The following C16orf87 variants were observed in gnomAD, a reference collection of about 807,000 sequenced individuals.
The protein encoded by C16orf87 is UPF0547 protein C16orf87.
A neutral mutation model predicts 21.0 loss-of-function variants in C16orf87; 13 were observed. That is an observed-to-expected ratio of 0.62 (90% CI 0.40 to 0.98). The LOEUF is 0.98. Ranked by LOEUF, C16orf87 falls within the 50% of genes least tolerant of loss-of-function variation. C16orf87 has a pLI of 0.00. For missense variants in C16orf87, 113 were observed against 180.4 expected (o/e 0.63, Z 2.14); for synonymous variants, 49 against 60.2 (o/e 0.81, Z 0.86).
At chr16:46,807,291 A>T (rs1232096942) in intron 3 of C16orf87, among the ~76,000 whole-genome samples, 1 of 152,014 alleles carries the variant, frequency 6.6e-6, no homozygotes, top group African/African-American at 2.4e-5. Context: ...AAGTAAAAAA[A>T]GTAGCCTGGT....
At chr16:46,812,469 A>G (rs1236408561) in intron 2 of C16orf87, among the ~76,000 whole-genome samples, 2 of 152,194 alleles carry the variant, frequency 1.3e-5, no homozygotes, top group Non-Finnish European at 2.9e-5. Flanking sequence ...TGAAATATTT[A>G]TAACTGAAAT....
intron 2 of C16orf87, among the ~76,000 whole-genome samples, chr16:46,820,873 C>T (rs1226420498): frequency 2.0e-5 from 3 of 152,194 alleles, no homozygotes; most frequent in Admixed American, 6.5e-5. Flanking sequence ...AAATTCTTTA[C>T]ATTTATGTGA....
At chr16:46,826,326 A>G (rs555197004) in intron 1 of C16orf87, among the ~76,000 whole-genome samples, 2 of 152,340 alleles carry the variant, frequency 1.3e-5, no homozygotes, top group African/African-American at 4.8e-5. Flanking sequence ...TCAACGAAAA[A>G]GTATTTACAG....
chr16:46,807,203 A>G (rs438275), intron 3 of C16orf87, among the ~76,000 whole-genome samples: 150,102 of 152,358 alleles, frequency 0.99, 73,970 homozygotes, highest in East Asian at 1. Flanking sequence ...CACTTTGGAA[A>G]GCCAAGCTGA....
intron 2 of C16orf87, among the ~76,000 whole-genome samples, chr16:46,822,427 C>T (rs1189897104): frequency 1.3e-5 from 2 of 152,154 alleles, no homozygotes; most frequent in African/African-American, 4.8e-5. Context: ...TTTCAGGGTT[C>T]CTTTATCTAA....
chr16:46,813,757 T>C (rs1170467498), intron 2 of C16orf87, among the ~76,000 whole-genome samples: 1 of 152,210 alleles, frequency 6.6e-6, no homozygotes, highest in Non-Finnish European at 1.5e-5. Flanking sequence ...CTTCATAAGA[T>C]AAGCCTTTTT....
chr16:46,807,152 C>G (rs1029369326), intron 3 of C16orf87, among the ~76,000 whole-genome samples: 1 of 152,210 alleles, frequency 6.6e-6, no homozygotes, highest in Non-Finnish European at 1.5e-5. Context: ...GATTGGCAAA[C>G]TAGGCCGAGT....
intron 2 of C16orf87, among the ~76,000 whole-genome samples, chr16:46,815,553 A>G (rs977126589): frequency 2.0e-5 from 3 of 152,108 alleles, no homozygotes; most frequent in African/African-American, 7.2e-5. Context: ...ACAACAACAA[A>G]AAAAATCCCC....
intron 3 of C16orf87, chr16:46,808,217 T>C: frequency 2.4e-6 from 1 of 412,544 alleles, no homozygotes; most frequent in Non-Finnish European, 4.8e-6. Context: ...GCAGTAAAAT[T>C]ACCCAAGGAA....
chr16:46,808,115 C>T (rs1203410040), intron 3 of C16orf87: 7 of 455,654 alleles, frequency 1.5e-5, no homozygotes, highest in Admixed American at 9.4e-5. Context: ...TAGGAGTCCT[C>T]GGCATAGGTT....
rs77733977 is a variant in C16orf87 at position 46,813,139 on chromosome 16, A to G, written c.164-3354T>C. On this transcript the variant is annotated intron_variant, in intron 2 of 3. Coordinates refer to ENST00000285697, the MANE Select transcript of C16orf87 (RefSeq NM_001001436.4). ...TTGTTATGATGGCTCCAAAGTTTTC[A>G]CCTTCTGCTCTGATTTCTTCCCTAA... Among the ~76,000 whole-genome samples, 521 of 152,210 alleles carry G rather than the reference A, an allele frequency of 3.4e-3. 5 individuals are homozygous for G. Among genetic ancestry groups the G allele is most frequent in the Middle Eastern group, 0.017 (5 of 294 alleles).
rs561483866 is a variant in C16orf87 at position 46,803,783 on chromosome 16, CT to C, written c.347-714del. ...ATTTTCCACTCTCCAAATGCAACTA[CT>C]TTTTTTGTGACTTTTTTTTTCAGTT... On this transcript the variant is annotated intron_variant, in intron 3 of 3. Transcript: ENST00000285697. Among the ~76,000 whole-genome samples the C allele has an allele frequency of 3.6e-4, 55 of 150,904 alleles. No individual in the cohort carries two copies. The South Asian group carries it at 9.0e-3, about 25-fold the overall frequency.
chr16:46,805,944 G>A (rs1482989343), intron 3 of C16orf87, among the ~76,000 whole-genome samples: 2 of 152,234 alleles, frequency 1.3e-5, no homozygotes, highest in African/African-American at 4.8e-5. Context: ...ATCTTAACAT[G>A]GTATCCTGGC....
intron 2 of C16orf87, among the ~76,000 whole-genome samples, chr16:46,821,968 G>A (rs1959431650): frequency 6.6e-6 from 1 of 152,186 alleles, no homozygotes; most frequent in African/African-American, 2.4e-5. Context: ...CCAAGTCAGA[G>A]ATCTGGGAAT....
intron 2 of C16orf87, among the ~76,000 whole-genome samples, chr16:46,815,406 C>A (rs935736715): frequency 1.3e-5 from 2 of 150,396 alleles, no homozygotes; most frequent in Admixed American, 1.3e-4. Flanking sequence ...AAATGGACTT[C>A]ATCAAAATTA....
At chr16:46,811,088 G>C (rs184294558) in intron 2 of C16orf87, among the ~76,000 whole-genome samples, 1 of 152,144 alleles carries the variant, frequency 6.6e-6, no homozygotes, top group Non-Finnish European at 1.5e-5. Context: ...AAATGAAGAG[G>C]TTTCTCATAT....
At chr16:46,818,795 T>TC (rs34318222) in intron 2 of C16orf87, among the ~76,000 whole-genome samples, 2,249 of 152,178 alleles carry the variant, frequency 0.015, 19 homozygotes, top group Non-Finnish European at 0.024. Context: ...GCTCAAGCAA[T>TC]CCTCCCACCT....
chr16:46,812,944 C>G (rs1968137792), intron 2 of C16orf87, among the ~76,000 whole-genome samples: 1 of 152,152 alleles, frequency 6.6e-6, no homozygotes, highest in Admixed American at 6.5e-5. Context: ...TCTCAGGCTC[C>G]CCCAGTTTCT....
At chr16:46,803,515 T>C (rs1967836438) in intron 3 of C16orf87, among the ~76,000 whole-genome samples, 1 of 152,160 alleles carries the variant, frequency 6.6e-6, no homozygotes, top group Non-Finnish European at 1.5e-5. Flanking sequence ...ACAAATGTAA[T>C]CCAAGTTCAC....
Sources: allele counts gnomAD v4.1 joint callset (sites outside exome capture counted in the v4.1 genomes callset), GRCh38; gene constraint gnomAD v4.1.1; transcripts MANE v1.5; gene names NCBI Gene and HGNC (gene_info 2026-07-23, HGNC 2026-07-21).